Variants in HEXB observed in about 807,000 individuals in gnomAD.
HEXB encodes the protein hexosaminidase subunit beta, also known as beta-hexosaminidase subunit beta.
Under a neutral mutation model 71.2 loss-of-function variants are expected in HEXB, and 51 were observed. The observed-to-expected ratio is 0.72, with a 90% confidence interval of 0.57 to 0.90. HEXB has a LOEUF of 0.90. Among genes scored for constraint, HEXB ranks in the 40% least tolerant of loss-of-function variants. The pLI, the probability that HEXB is intolerant of heterozygous loss-of-function variation, is 0.00. For synonymous variants in HEXB, 266 were observed against 249.3 expected (o/e 1.07, Z -0.63); for missense variants, 617 against 677.0 (o/e 0.91, Z 0.98).
intron 5 of HEXB, among the ~76,000 whole-genome samples, chr5:74,701,238 G>A (rs1373938294): frequency 6.6e-6 from 1 of 151,868 alleles, no homozygotes; most frequent in Non-Finnish European, 1.5e-5. Context: ...ATCATTTTTG[G>A]CTTTGGGAAG....
intron 6 of HEXB, among the ~76,000 whole-genome samples, chr5:74,706,753 C>T (rs919299259): frequency 1.3e-4 from 19 of 151,936 alleles, no homozygotes; most frequent in Admixed American, 1.2e-3. Flanking sequence ...GAGGGGTGCC[C>T]GCCATTGCCC....
intron 1 of HEXB, among the ~76,000 whole-genome samples, chr5:74,661,500 ATT>A (rs1488776033): frequency 8.0e-5 from 11 of 136,968 alleles, no homozygotes; most frequent in Non-Finnish European, 1.6e-4. Context: ...TCATGAATTC[ATT>A]TTCTCTCTCT....
In HEXB at chr5:74,694,502, G is replaced by A. The variant is rs150349501; in HGVS notation, c.511+798G>A. Among the ~76,000 whole-genome samples the A allele has an allele frequency of 3.1e-4, 47 of 152,288 alleles. 1 individual carries two copies. Among genetic ancestry groups the A allele is most frequent in the African/African-American group, 1.0e-3 (42 of 41,562 alleles). On this transcript the variant is annotated intron_variant, in intron 3 of 13. Transcript: ENST00000261416. ...GGGAGTAACTTGAAAAGCTTCTCAT[G>A]AGAATTTCAGAGTCTGAACTTCAAA...
upstream of HEXB, chr5:74,685,138 GC>G (rs70976124): frequency 0.56 from 613,974 of 1,094,426 alleles, 175,000 homozygotes; most frequent in Middle Eastern, 0.59. Flanking sequence ...TCGGGGGCGG[GC>G]GCGCGCAGTC....
At chr5:74,665,276 T>G (rs2112094620) in intron 1 of HEXB, among the ~76,000 whole-genome samples, 1 of 152,280 alleles carries the variant, frequency 6.6e-6, no homozygotes, top group East Asian at 1.9e-4. Context: ...AAATGAAAAG[T>G]ACATAAGTAA....
At chr5:74,687,797 T>C (rs1748907042) in intron 1 of HEXB, among the ~76,000 whole-genome samples, 1 of 152,230 alleles carries the variant, frequency 6.6e-6, no homozygotes. Flanking sequence ...GGTTTTCCTA[T>C]GAGAAGGGCC....
intron 1 of HEXB, among the ~76,000 whole-genome samples, chr5:74,646,841 A>G (rs1158235225): frequency 6.6e-6 from 1 of 152,226 alleles, no homozygotes; most frequent in Non-Finnish European, 1.5e-5. Flanking sequence ...TGCTGGGATT[A>G]CAGGCGTGAG....
At chr5:74,697,454 G>A (rs11959392) in intron 5 of HEXB, among the ~76,000 whole-genome samples, 7 of 152,208 alleles carry the variant, frequency 4.6e-5, no homozygotes, top group Non-Finnish European at 7.4e-5. Flanking sequence ...ACCCAGGTGC[G>A]GTGGCTTACA....
intron 1 of HEXB, among the ~76,000 whole-genome samples, chr5:74,673,140 G>C (rs1380921171): frequency 1.3e-5 from 2 of 152,220 alleles, no homozygotes; most frequent in Admixed American, 1.3e-4. Flanking sequence ...AGATGGCACT[G>C]TTTAATAGAT....
chr5:74,640,103 C>G (rs896929780), exon 1 of HEXB: 2 of 152,236 alleles, frequency 1.3e-5, no homozygotes, highest in African/African-American at 4.8e-5. Flanking sequence ...TCGACCTCTC[C>G]GGCGATGCCC....
At chr5:74,680,379 G>A (rs903999841), upstream of HEXB, among the ~76,000 whole-genome samples, 7 of 152,094 alleles carry the variant, frequency 4.6e-5, no homozygotes, top group Admixed American at 1.3e-4. Context: ...TTTTTGTGTC[G>A]GGGAGGAGTG....
intron 1 of HEXB, among the ~76,000 whole-genome samples, chr5:74,644,212 C>T (rs967085420): frequency 3.9e-5 from 6 of 152,232 alleles, no homozygotes; most frequent in Admixed American, 6.5e-5. Context: ...CCTTGGCTGA[C>T]GCCATGGGGA....
chr5:74,670,961 G>C (rs1285059357), intron 1 of HEXB, among the ~76,000 whole-genome samples: 1 of 152,166 alleles, frequency 6.6e-6, no homozygotes, highest in East Asian at 1.9e-4. Flanking sequence ...TGCAGCCCAG[G>C]AGGCCAAGTG....
chr5:74,687,294 C>T (rs1748896488), intron 1 of HEXB, among the ~76,000 whole-genome samples: 1 of 152,162 alleles, frequency 6.6e-6, no homozygotes, highest in South Asian at 2.1e-4. Flanking sequence ...GGAGTGTTCA[C>T]AAAGTGCGAC....
At chr5:74,662,006 G>C (rs1748335992) in intron 1 of HEXB, among the ~76,000 whole-genome samples, 1 of 152,160 alleles carries the variant, frequency 6.6e-6, no homozygotes, top group Admixed American at 6.5e-5. Flanking sequence ...GAGAGGAATA[G>C]ATACTCTTTC....
At chr5:74,709,555 TAAAAA>T (rs1028034959) in intron 6 of HEXB, among the ~76,000 whole-genome samples, 3 of 151,196 alleles carry the variant, frequency 2.0e-5, no homozygotes, top group Non-Finnish European at 4.4e-5. Context: ...GCAAGACTAA[TAAAAA>T]AAGAGAGAAG....
At chr5:74,696,662 A>C in intron 3 of HEXB, 31 bp from the exon 4 acceptor site, 1 of 1,148,508 alleles carries the variant, frequency 8.7e-7, no homozygotes, top group Non-Finnish European at 1.3e-6. Context: ...GTTGATTTAT[A>C]AATTAATGCA....
At chr5:74,669,044 C>A (rs1410295429) in intron 1 of HEXB, among the ~76,000 whole-genome samples, 1 of 152,144 alleles carries the variant, frequency 6.6e-6, no homozygotes, top group Non-Finnish European at 1.5e-5. Context: ...TCACCACAAC[C>A]TCTGCCTCCC....
Position 74,670,388 on chromosome 5 carries a change from A to G in HEXB, c.-376-18940A>G, listed in dbSNP as rs138157071. On this transcript the variant is annotated intron_variant, in intron 1 of 13. Transcript: ENST00000511181. ...TCCCCTCTCTGCTGAGAGCTATTTTATTGCTCAATAAAATTATTCTCCACC... is the reference window on the plus strand; with the variant it reads ...TCCCCTCTCTGCTGAGAGCTATTTTGTTGCTCAATAAAATTATTCTCCACC... Among the ~76,000 whole-genome samples, 880 of 152,056 alleles carry G rather than the reference A, an allele frequency of 5.8e-3. 17 individuals are homozygous for G. The highest frequency in any genetic ancestry group is 0.018 in the African/African-American group (761 of 41,476).
Sources: allele counts gnomAD v4.1 joint callset (sites outside exome capture counted in the v4.1 genomes callset), GRCh38; gene constraint gnomAD v4.1.1; transcripts MANE v1.5; gene names NCBI Gene and HGNC (gene_info 2026-07-23, HGNC 2026-07-21).